The following CCDC68 variants were observed in gnomAD, a reference collection of about 807,000 sequenced individuals.
CCDC68 encodes coiled-coil domain containing 68.
A neutral mutation model predicts 47.1 loss-of-function variants in CCDC68; 45 were observed. The ratio of observed to expected loss-of-function variants is 0.96; its 90% CI spans 0.75 to 1.23. The LOEUF (loss-of-function observed/expected upper bound fraction) is 1.23. Among genes scored for constraint, CCDC68 ranks in the 50% most tolerant of loss-of-function variants. The pLI, the probability that CCDC68 is intolerant of heterozygous loss-of-function variation, is 0.00. For synonymous variants in CCDC68, 131 were observed against 129.5 expected (o/e 1.01, Z -0.08); for missense variants, 353 against 373.6 (o/e 0.94, Z 0.45).
intron 5 of CCDC68, 173 bp downstream of exon 5, chr18:54,937,784 G>C: frequency 2.1e-6 from 1 of 480,426 alleles, no homozygotes; most frequent in South Asian, 4.2e-5. Flanking sequence ...AAATAAAACA[G>C]TGAGATATGA....
intron 10 of CCDC68, among the ~76,000 whole-genome samples, chr18:54,908,699 C>T (rs948856260): frequency 9.2e-5 from 14 of 152,112 alleles, no homozygotes; most frequent in Non-Finnish European, 1.9e-4. Flanking sequence ...AGAGTAAAGG[C>T]AATTGGTTAT....
chr18:54,923,620 C>T (rs2044098212), intron 8 of CCDC68, among the ~76,000 whole-genome samples: 1 of 151,878 alleles, frequency 6.6e-6, no homozygotes, highest in Non-Finnish European at 1.5e-5. Flanking sequence ...GCCTAGTCAT[C>T]CATTTAAGAC....
In CCDC68 at chr18:54,936,875, T is replaced by C; in HGVS notation, c.429A>G (p.Glu143=). Residue 143 remains glutamate (E), a synonymous_variant, in exon 6 of 12, where the codon GAA becomes GAG. Coordinates refer to ENST00000591504, the MANE Select transcript of CCDC68 (RefSeq NM_025214.3). ...TGTCCTCCTGCTTCTTTCTCACTTC[T>C]TCAGATTGCGTTTGGTAGTTTTCAA... ...RLFENYQTQS[E]EVRKKQEDSK... 1.2e-6 allele frequency: 2 copies of C among 1,614,192 alleles called. No individual in the cohort carries two copies. Among genetic ancestry groups the C allele is most frequent in the Non-Finnish European group, 1.7e-6 (2 of 1,180,010 alleles).
At chr18:54,941,715 C>CT (rs1332113941) in intron 3 of CCDC68, among the ~76,000 whole-genome samples, 3 of 152,128 alleles carry the variant, frequency 2.0e-5, no homozygotes, top group Non-Finnish European at 2.9e-5. Context: ...TGAAATTTCT[C>CT]TTTTTATTCA....
At position 54,908,374 on chromosome 18, in the gene CCDC68, T is replaced by C. The variant is rs569125424; in HGVS notation, c.874-512A>G. On this transcript the variant is annotated intron_variant, in intron 10 of 11. Transcript: ENST00000591504. Reference sequence around the variant, plus strand: ...ATCTATACTAGTGGTAAATGATACATGTCCTGCCTACTTTGTGTAAGTTGT... The same window carrying C: ...ATCTATACTAGTGGTAAATGATACACGTCCTGCCTACTTTGTGTAAGTTGT... Among the ~76,000 whole-genome samples the C allele has an allele frequency of 2.0e-5, 3 of 152,352 alleles. No homozygotes were observed. In the South Asian group the frequency reaches 6.2e-4, roughly 32 times the overall value.
chr18:54,914,860 T>A (rs2043918644), intron 10 of CCDC68, among the ~76,000 whole-genome samples: 1 of 152,228 alleles, frequency 6.6e-6, no homozygotes, highest in African/African-American at 2.4e-5. Context: ...CAAATACACC[T>A]TCCTTGTCTA....
At chr18:54,943,709 T>C (rs1418432534) in intron 2 of CCDC68, among the ~76,000 whole-genome samples, 1 of 152,250 alleles carries the variant, frequency 6.6e-6, no homozygotes, top group Non-Finnish European at 1.5e-5. Context: ...GAAATATTGG[T>C]ATTGCCATTT....
intron 1 of CCDC68, among the ~76,000 whole-genome samples, chr18:54,950,788 G>GTGTATATATATATATATATATA (rs994670303): frequency 3.8e-4 from 37 of 97,332 alleles, no homozygotes; most frequent in African/African-American, 1.4e-3. Context: ...TATCTTCAGT[G>GTGTATATATATATATATATATA]TATATATATA....
chr18:54,933,886 T>C (rs971862137), intron 7 of CCDC68, among the ~76,000 whole-genome samples: 10 of 152,244 alleles, frequency 6.6e-5, no homozygotes, highest in Admixed American at 5.2e-4. Context: ...TTTAAATTCT[T>C]GGGAAACATT....
chr18:54,940,640 A>T (rs377678042), intron 4 of CCDC68, among the ~76,000 whole-genome samples: 90 of 152,288 alleles, frequency 5.9e-4, no homozygotes, highest in African/African-American at 2.1e-3. Flanking sequence ...TCTTGACTCA[A>T]CTCAGGCCTA....
chr18:54,952,889 C>A (rs9675382), intron 1 of CCDC68, among the ~76,000 whole-genome samples: 1 of 152,156 alleles, frequency 6.6e-6, no homozygotes, highest in Non-Finnish European at 1.5e-5. Flanking sequence ...GGTGCACGTG[C>A]GTAATCACAG....
intron 2 of CCDC68, among the ~76,000 whole-genome samples, chr18:54,943,895 T>A (rs976288032): frequency 2.6e-5 from 4 of 152,078 alleles, no homozygotes; most frequent in Non-Finnish European, 5.9e-5. Context: ...GTGGCTCACA[T>A]CTGTAATCCC....
intron 8 of CCDC68, among the ~76,000 whole-genome samples, chr18:54,925,280 A>AT (rs531317430): frequency 1.3e-5 from 2 of 151,966 alleles, no homozygotes; most frequent in African/African-American, 4.8e-5. Flanking sequence ...TCATCATCTA[A>AT]TTTTTTTCTA....
At chr18:54,952,459 A>G (rs1318256657) in intron 1 of CCDC68, among the ~76,000 whole-genome samples, 1 of 152,216 alleles carries the variant, frequency 6.6e-6, no homozygotes, top group Non-Finnish European at 1.5e-5. Flanking sequence ...AAACCATACC[A>G]GTTCTGGTGA....
At chr18:54,932,668 A>G (rs983475763) in intron 7 of CCDC68, among the ~76,000 whole-genome samples, 5 of 152,150 alleles carry the variant, frequency 3.3e-5, no homozygotes, top group African/African-American at 1.2e-4. Context: ...TTTGTCCAAG[A>G]TCTCCTGGAG....
chr18:54,924,944 G>A (rs1005938169), intron 8 of CCDC68, among the ~76,000 whole-genome samples: 3 of 152,120 alleles, frequency 2.0e-5, no homozygotes, highest in African/African-American at 7.2e-5. Context: ...ATTCTGTTTA[G>A]ATGATGTTCT....
intron 5 of CCDC68, 117 bp from the exon 6 acceptor site, chr18:54,937,075 T>C (rs984605922): frequency 7.7e-6 from 7 of 903,668 alleles, no homozygotes; most frequent in African/African-American, 5.0e-5. Flanking sequence ...TACAGCCTCA[T>C]AGACAATGGA....
At chr18:54,931,103 G>A (rs4445975) in intron 7 of CCDC68, among the ~76,000 whole-genome samples, 26,466 of 152,034 alleles carry the variant, frequency 0.17, 2,848 homozygotes, top group East Asian at 0.31. Flanking sequence ...TTTGTAGGGT[G>A]AGGGAAAATA....
Position 54,928,820 on chromosome 18 carries a change from G to T in CCDC68, c.663C>A (p.Ser221=). 2 of 1,611,338 alleles carry T rather than the reference G, an allele frequency of 1.2e-6. No individual in the cohort carries two copies. Among genetic ancestry groups the T allele is most frequent in the Non-Finnish European group, 1.7e-6 (2 of 1,177,542 alleles). The part of the protein sequence containing the change: ...SLENKLLQLK[S]SATYGKSCQD... ...CAAACCTTTTTCCATATGTAGCACT[G>T]GATTTGAGTTGCAGTAGCTTGTTTT... Residue 221 remains serine, a synonymous_variant, in exon 8 of 12, where the codon TCC becomes TCA. Transcript: ENST00000591504.
Sources: gnomAD v4.1 joint callset for allele counts (sites outside exome capture counted in the v4.1 genomes callset) on GRCh38, gnomAD v4.1.1 for gene constraint, MANE v1.5 for transcripts, NCBI Gene and HGNC (gene_info 2026-07-23, HGNC 2026-07-21) for gene names.